The following SEMA5A variants were observed in gnomAD, a reference collection of about 807,000 sequenced individuals.
SEMA5A encodes semaphorin 5A, also known as semaphorin-5A.
A neutral mutation model predicts 135.5 loss-of-function variants in SEMA5A; 55 were observed. The observed-to-expected ratio is 0.41, with a 90% confidence interval of 0.33 to 0.51. SEMA5A has a LOEUF of 0.51. Ranked by LOEUF, SEMA5A falls within the 20% of genes least tolerant of loss-of-function variation. The probability of loss-of-function intolerance (pLI) is 0.37; values close to 1 mark genes in which losing one functional copy is unlikely to be tolerated. For missense variants in SEMA5A, 1,290 were observed against 1,419.9 expected, an observed-to-expected ratio of 0.91 and a Z score of 1.47; for synonymous variants, 580 against 546.5, an observed-to-expected ratio of 1.06 and a Z score of -0.85.
intron 8 of SEMA5A, among the ~76,000 whole-genome samples, chr5:9,217,372 TG>T (rs1746688209): frequency 6.6e-6 from 1 of 152,206 alleles, no homozygotes; most frequent in South Asian, 2.1e-4. Flanking sequence ...GTTAGCCTGA[TG>T]GTGTTCCATT....
At chr5:9,223,135 T>A (rs1747095819) in intron 8 of SEMA5A, among the ~76,000 whole-genome samples, 3 of 152,222 alleles carry the variant, frequency 2.0e-5, no homozygotes. Flanking sequence ...TGAAGTCAGT[T>A]CAACAGAAAT....
chr5:9,337,540 T>A (rs1038222332), intron 4 of SEMA5A, among the ~76,000 whole-genome samples, 173 bp downstream of exon 4: 7 of 152,220 alleles, frequency 4.6e-5, no homozygotes, highest in African/African-American at 1.7e-4. Flanking sequence ...CGGGCAGCCA[T>A]CAACATCTTA....
At chr5:9,207,102 G>A (rs1319384027) in intron 8 of SEMA5A, among the ~76,000 whole-genome samples, 4 of 97,674 alleles carry the variant, frequency 4.1e-5, no homozygotes, top group East Asian at 8.4e-4. Context: ...ATGATCAAGT[G>A]TATATATATA....
chr5:9,146,934 A>G (rs1207654028), intron 12 of SEMA5A, among the ~76,000 whole-genome samples: 1 of 152,234 alleles, frequency 6.6e-6, no homozygotes, highest in Non-Finnish European at 1.5e-5. Context: ...TAAAATGGGT[A>G]CATGTCAAAA....
chr5:9,130,861 A>C (rs10062083), intron 13 of SEMA5A, among the ~76,000 whole-genome samples: 16,500 of 152,146 alleles, frequency 0.11, 1,638 homozygotes, highest in East Asian at 0.3. Flanking sequence ...AATGTCAAAA[A>C]TGTTGAATTT....
At chr5:9,160,450 G>C (rs1743191699) in intron 11 of SEMA5A, among the ~76,000 whole-genome samples, 1 of 152,158 alleles carries the variant, frequency 6.6e-6, no homozygotes, top group Non-Finnish European at 1.5e-5. Context: ...TAGAAGTTAT[G>C]TGTATAATTA....
chr5:9,398,024 A>G (rs1005225116), intron 2 of SEMA5A, among the ~76,000 whole-genome samples: 8 of 152,222 alleles, frequency 5.3e-5, no homozygotes, highest in Non-Finnish European at 1.0e-4. Flanking sequence ...GATCCACGCT[A>G]TCATCTTCAG....
chr5:9,334,161 T>C (rs1044301471), intron 4 of SEMA5A, among the ~76,000 whole-genome samples: 3 of 152,194 alleles, frequency 2.0e-5, no homozygotes, highest in South Asian at 2.1e-4. Context: ...ACAGTATCAC[T>C]AGTATAAAGT....
chr5:9,466,522 G>T (rs1238893614), intron 1 of SEMA5A, among the ~76,000 whole-genome samples: 1 of 152,028 alleles, frequency 6.6e-6, no homozygotes, highest in East Asian at 1.9e-4. Flanking sequence ...GAATTTTGTG[G>T]CTATTAGAGA....
Position 9,209,651 on chromosome 5 carries a change from G to A in SEMA5A, c.647-7411C>T, listed in dbSNP as rs960573552. ...ATAAGCTACTGTAGAATAAGGAAAC[G>A]TGCATGATGGCTCTGGCTTTGTCTC... On this transcript the variant is annotated intron_variant, in intron 8 of 22. Coordinates refer to ENST00000382496, the MANE Select transcript of SEMA5A (RefSeq NM_003966.3). Among the ~76,000 whole-genome samples the A allele has an allele frequency of 6.6e-5, 10 of 152,150 alleles. 1 individual carries two copies. The highest frequency in any genetic ancestry group is 3.9e-4 in the East Asian group (2 of 5,192).
intron 5 of SEMA5A, among the ~76,000 whole-genome samples, chr5:9,288,204 G>C (rs1750893507): frequency 6.6e-6 from 1 of 152,192 alleles, no homozygotes; most frequent in Non-Finnish European, 1.5e-5. Context: ...GGCTTGACAA[G>C]ACAACTATCA....
intron 5 of SEMA5A, among the ~76,000 whole-genome samples, chr5:9,272,591 C>A (rs1750038308): frequency 6.6e-6 from 1 of 152,308 alleles, no homozygotes; most frequent in South Asian, 2.1e-4. Flanking sequence ...TAGGGGCCGA[C>A]AGACACCTCA....
At chr5:9,095,471 A>T (rs1739266663) in intron 16 of SEMA5A, among the ~76,000 whole-genome samples, 3 of 152,220 alleles carry the variant, frequency 2.0e-5, no homozygotes, top group Admixed American at 2.0e-4. Context: ...GATCTGAACT[A>T]GGCTCCAGTT....
At chr5:9,400,524 T>TTTTTTTTTTTTTTTTTTTTTTTG in intron 2 of SEMA5A, among the ~76,000 whole-genome samples, 1 of 99,196 alleles carries the variant, frequency 1.0e-5, no homozygotes, top group African/African-American at 4.5e-5. Context: ...TTTTTTTTTT[T>TTTTTTTTTTTTTTTTTTTTTTTG]GAGACGGAGT....
At chr5:9,536,094 T>C (rs1009557050) in intron 1 of SEMA5A, among the ~76,000 whole-genome samples, 3 of 152,076 alleles carry the variant, frequency 2.0e-5, no homozygotes, top group African/African-American at 7.2e-5. Context: ...CCTGATAATA[T>C]CAGACACAGA....
intron 1 of SEMA5A, among the ~76,000 whole-genome samples, chr5:9,523,424 A>G (rs569037003): frequency 6.6e-6 from 1 of 152,280 alleles, no homozygotes; most frequent in South Asian, 2.1e-4. Flanking sequence ...AATCCTTCCT[A>G]GGATGTCTCA....
At chr5:9,100,595 T>C (rs1172468284) in intron 16 of SEMA5A, among the ~76,000 whole-genome samples, 2 of 152,112 alleles carry the variant, frequency 1.3e-5, no homozygotes, top group Non-Finnish European at 1.5e-5. Context: ...CTTTCCTGCC[T>C]CACCCTGTCA....
intron 1 of SEMA5A, among the ~76,000 whole-genome samples, chr5:9,476,272 C>T (rs1759663742): frequency 6.6e-6 from 1 of 152,018 alleles, no homozygotes. Context: ...GTGGAAGCAT[C>T]AGATCAATTA....
chr5:9,265,375 C>A (rs1320227800), intron 5 of SEMA5A: 6 of 455,026 alleles, frequency 1.3e-5, no homozygotes, highest in Non-Finnish European at 2.7e-5. Flanking sequence ...CCCTACCAGA[C>A]CATATAATTT....
Sources: allele counts gnomAD v4.1 joint callset (sites outside exome capture counted in the v4.1 genomes callset), GRCh38; gene constraint gnomAD v4.1.1; transcripts MANE v1.5; gene names NCBI Gene and HGNC (gene_info 2026-07-23, HGNC 2026-07-21).